The following ATR variants were observed in gnomAD, a reference collection of about 807,000 sequenced individuals.
ATR encodes serine/threonine-protein kinase ATR.
ATR carries 142 observed loss-of-function variants against 305.3 expected under a neutral mutation model. The ratio of observed to expected loss-of-function variants is 0.47; its 90% confidence interval spans 0.41 to 0.53. The LOEUF (loss-of-function observed/expected upper bound fraction) is 0.53. Ranked by LOEUF, ATR falls within the 20% of genes least tolerant of loss-of-function variation. The pLI is 0.00. For missense variants in ATR, 2,135 were observed against 3,133.1 expected (o/e 0.68, Z 7.60); for synonymous variants, 1,050 against 1,068.1 (o/e 0.98, Z 0.33).
intron 16 of ATR, among the ~76,000 whole-genome samples, chr3:142,546,677 T>C (rs943060810): frequency 6.6e-6 from 1 of 152,082 alleles, no homozygotes; most frequent in African/African-American, 2.4e-5. Context: ...AGCCTAAATA[T>C]GAGTGAACAG....
intron 21 of ATR, among the ~76,000 whole-genome samples, chr3:142,529,563 TCTTGA>T: frequency 6.6e-6 from 1 of 152,316 alleles, no homozygotes; most frequent in Non-Finnish European, 1.5e-5. Flanking sequence ...CCCAGTCATC[TCTTGA>T]CTTAATGAAG....
Position 142,538,357 on chromosome 3 carries a change from TTTTG to T in ATR, c.3725+121_3725+124del, listed in dbSNP as rs374739900. On this transcript the variant is annotated intron_variant, in intron 19 of 46. Transcript: ENST00000350721. ...CAATATGTAATTACATGCCAATTAC[TTTTG>T]TTTATTGATAAACCCTGAAATTCAA... The T allele has an allele frequency of 2.6e-5, 27 of 1,042,466 alleles. 1 individual carries two copies. The African/African-American group carries it at 3.9e-4, about 15-fold the overall frequency. The allele number at this position is 1,042,466 out of a possible 1,614,324, so 64.6% of individuals were successfully genotyped here.
In ATR at chr3:142,469,451, G is replaced by A. The variant is rs2071206365; in HGVS notation, c.6438C>T (p.Ile2146=). 6.2e-7 allele frequency: 1 copy of A among 1,613,730 alleles called. No individual in the cohort carries two copies. Among genetic ancestry groups the A allele is most frequent in the Non-Finnish European group, 8.5e-7 (1 of 1,179,714 alleles). Residue 2146 remains isoleucine (I), a synonymous_variant, in exon 38 of 47, where the codon ATC becomes ATT. Transcript: ENST00000350721. ...YQFLTAFSQL[I]SRICHSHDEV... ...CATCGTGAGAATGACAAATTCGAGA[G>A]ATCAATTGTGAAAAAGCAGTCAAAA...
chr3:142,526,963 AT>A (rs990621827), intron 21 of ATR, among the ~76,000 whole-genome samples: 1 of 151,606 alleles, frequency 6.6e-6, no homozygotes, highest in African/African-American at 2.4e-5. Flanking sequence ...TAATTTTTGT[AT>A]TTTTTGTAGA....
chr3:142,554,969 C>A (rs1157297890), intron 10 of ATR, among the ~76,000 whole-genome samples: 1 of 150,970 alleles, frequency 6.6e-6, no homozygotes, highest in Non-Finnish European at 1.5e-5. Context: ...GGCATGGTGG[C>A]TCATGCCTGT....
intron 36 of ATR, among the ~76,000 whole-genome samples, chr3:142,481,412 T>TG (rs1415310348): frequency 6.6e-6 from 1 of 152,226 alleles, no homozygotes. Flanking sequence ...CACTTGGTCA[T>TG]GGTGAATGAT....
At chr3:142,493,079 T>C in intron 35 of ATR, 53 bp downstream of exon 35, 2 of 1,584,952 alleles carry the variant, frequency 1.3e-6, no homozygotes, top group Non-Finnish European at 1.7e-6. Context: ...TAGACTTAAG[T>C]CATTTTACGT....
chr3:142,539,724 G>T (rs189362194), intron 18 of ATR, among the ~76,000 whole-genome samples: 3 of 152,260 alleles, frequency 2.0e-5, no homozygotes, highest in Admixed American at 2.0e-4. Context: ...TTCCTAAGCA[G>T]CTGGGACTAC....
chr3:142,476,734 T>A (rs1487252526), intron 36 of ATR, among the ~76,000 whole-genome samples: 1 of 152,222 alleles, frequency 6.6e-6, no homozygotes, highest in Admixed American at 6.5e-5. Context: ...GAGCATGGAA[T>A]GTTCTTCCAT....
rs2108271373 is a variant in ATR at position 142,465,217 on chromosome 3, C to T, written c.6921G>A (p.Gln2307=). 6.2e-7 allele frequency: 1 copy of T among 1,610,280 alleles called. No individual in the cohort carries two copies. The highest frequency in any genetic ancestry group is 8.5e-7 in the Non-Finnish European group (1 of 1,178,200). ...CTTTTAAAGAAATCTTCTTTGGTTT[C>T]TGAAGAGAAGCAAGAATTTCCACCT... ...DDMVEILASL[Q]KPKKISLKGS... is the part of the protein sequence containing the mutation. Residue 2307 remains glutamine (Q), a synonymous_variant, in exon 41 of 47, where the codon CAG becomes CAA. Transcript: ENST00000350721.
intron 41 of ATR, 32 bp downstream of exon 41, chr3:142,465,065 A>G: frequency 7.6e-7 from 1 of 1,313,662 alleles, no homozygotes; most frequent in South Asian, 2.3e-5. Context: ...TAAAAAATAA[A>G]TAAATAAAAT....
At chr3:142,468,417 T>A (rs1025407643) in intron 38 of ATR, among the ~76,000 whole-genome samples, 1 of 152,084 alleles carries the variant, frequency 6.6e-6, no homozygotes, top group Non-Finnish European at 1.5e-5. Flanking sequence ...GAATTTTATA[T>A]ATTAAAATTA....
intron 41 of ATR, among the ~76,000 whole-genome samples, chr3:142,463,901 G>A (rs1191404104): frequency 6.6e-6 from 1 of 152,100 alleles, no homozygotes; most frequent in African/African-American, 2.4e-5. Context: ...AAAAAAGCTT[G>A]TAGAAAAATA....
chr3:142,484,815 G>T, intron 36 of ATR, among the ~76,000 whole-genome samples: 1 of 152,064 alleles, frequency 6.6e-6, no homozygotes, highest in Non-Finnish European at 1.5e-5. Flanking sequence ...CCACTGCTTG[G>T]TGTATGGGGA....
At chr3:142,530,765 CCT>C (rs1037481148) in intron 21 of ATR, among the ~76,000 whole-genome samples, 45 of 152,072 alleles carry the variant, frequency 3.0e-4, no homozygotes, top group Non-Finnish European at 1.2e-4. Flanking sequence ...GAGTGCCTCT[CCT>C]CTCCTCTTCT....
chr3:142,548,521 T>C (rs1219225588), intron 15 of ATR, among the ~76,000 whole-genome samples: 1 of 151,960 alleles, frequency 6.6e-6, no homozygotes, highest in African/African-American at 2.4e-5. Context: ...ATACAAAAAT[T>C]AGCCAGGCCT....
At chr3:142,454,130 G>A (rs151073988) in intron 45 of ATR, among the ~76,000 whole-genome samples, 3 of 152,150 alleles carry the variant, frequency 2.0e-5, no homozygotes, top group Non-Finnish European at 2.9e-5. Flanking sequence ...CCTGTCCTGC[G>A]TCATCTCTTA....
At chr3:142,499,122 C>T (rs140135864) in intron 31 of ATR, 1 of 374,118 alleles carries the variant, frequency 2.7e-6, no homozygotes, top group African/African-American at 2.1e-5. Context: ...TTCAAGCAAT[C>T]CTCCCACCTT....
At chr3:142,565,007 A>G (rs2035017985) in intron 3 of ATR, among the ~76,000 whole-genome samples, 1 of 152,118 alleles carries the variant, frequency 6.6e-6, no homozygotes, top group African/African-American at 2.4e-5. Context: ...TCGAACTCCC[A>G]AAGTGCTGGG....
Sources: gnomAD v4.1 joint callset for allele counts (sites outside exome capture counted in the v4.1 genomes callset) on GRCh38, gnomAD v4.1.1 for gene constraint, MANE v1.5 for transcripts, NCBI Gene and HGNC (gene_info 2026-07-23, HGNC 2026-07-21) for gene names.